The following PRKCI variants were observed in gnomAD, a reference collection of about 807,000 sequenced individuals.
PRKCI encodes protein kinase C iota type.
PRKCI carries 43 observed loss-of-function variants against 84.0 expected under a neutral mutation model. That is an observed-to-expected ratio of 0.51 (90% CI 0.40 to 0.66). The LOEUF is 0.66. PRKCI is among the 30% of genes least tolerant of loss of function. The probability of loss-of-function intolerance (pLI) is 0.00; values close to 1 mark genes in which losing one functional copy is unlikely to be tolerated. For synonymous variants in PRKCI, 216 were observed against 234.4 expected (o/e 0.92, Z 0.72); for missense variants, 459 against 745.6 (o/e 0.62, Z 4.48).
chr3:170,247,406 A>T (rs1379247705), intron 2 of PRKCI, among the ~76,000 whole-genome samples: 2 of 149,590 alleles, frequency 1.3e-5, no homozygotes, highest in African/African-American at 4.9e-5. Flanking sequence ...AGGGAGGGTT[A>T]TGTCTATTCC....
rs6794182 is a variant in PRKCI, at chr3:170,289,830, T to G, written c.1204-2024T>G. Among the ~76,000 whole-genome samples, 642 of 152,206 alleles carry G rather than the reference T, an allele frequency of 4.2e-3. 3 individuals are homozygous for G. Among genetic ancestry groups the G allele is most frequent in the African/African-American group, 0.015 (622 of 41,536 alleles). ...GGGAGGCTGAGGCAGGAGAATCGCTTGAACCTGGGAGGCAGAGGTTGCAGT... is the reference window on the plus strand; with the variant it reads ...GGGAGGCTGAGGCAGGAGAATCGCTGGAACCTGGGAGGCAGAGGTTGCAGT... On this transcript the variant is annotated intron_variant, in intron 12 of 17. Transcript: ENST00000295797.
intron 8 of PRKCI, among the ~76,000 whole-genome samples, chr3:170,277,055 A>G (rs1020415138): frequency 6.6e-6 from 1 of 150,916 alleles, no homozygotes; most frequent in East Asian, 2.0e-4. Context: ...AGCCTGGCTG[A>G]CATAGTGAAA....
chr3:170,284,453 A>T lies in PRKCI; in HGVS notation c.1068-8A>T. 6.5e-7 allele frequency: 1 copy of T among 1,541,532 alleles called. No individual in the cohort carries two copies. Among genetic ancestry groups the T allele is most frequent in the Middle Eastern group, 2.3e-4 (1 of 4,262 alleles). ...GAATCAAATGACTTATTTTTTATTT[A>T]ATTTTAGATTTTACTCTGCAGAAAT... On this transcript the variant is annotated splice_region_variant and splice_polypyrimidine_tract_variant and intron_variant, in intron 11 of 17. Transcript: ENST00000295797.
chr3:170,241,483 ATGT>A (rs1347384106), intron 2 of PRKCI, among the ~76,000 whole-genome samples: 1 of 152,096 alleles, frequency 6.6e-6, no homozygotes, highest in Admixed American at 6.5e-5. Context: ...AGGTTCATCC[ATGT>A]TGTTGAATAT....
At chr3:170,298,870 A>G in intron 16 of PRKCI, 125 bp from the exon 17 acceptor site, 1 of 650,018 alleles carries the variant, frequency 1.5e-6, no homozygotes, top group South Asian at 1.8e-5. Context: ...CATCATTGCT[A>G]ATATCATTGA....
At chr3:170,246,209 G>A (rs1442259244) in intron 2 of PRKCI, among the ~76,000 whole-genome samples, 1 of 151,952 alleles carries the variant, frequency 6.6e-6, no homozygotes, top group Non-Finnish European at 1.5e-5. Context: ...CTGGAGTGCA[G>A]TGGCATGATC....
chr3:170,224,275 T>C (rs1577334756), intron 1 of PRKCI, among the ~76,000 whole-genome samples: 1 of 152,086 alleles, frequency 6.6e-6, no homozygotes, highest in East Asian at 1.9e-4. Flanking sequence ...ATTGGAGTTA[T>C]ATTGGACAGT....
In PRKCI at chr3:170,247,795, T is replaced by G. The variant is rs1299963360; in HGVS notation, c.224-12174T>G. 2.0e-5 allele frequency among the ~76,000 whole-genome samples: 3 copies of G among 149,728 alleles called. No individual in the cohort carries two copies. In the East Asian group the frequency reaches 5.9e-4, roughly 29 times the overall value. ...GAGCGGCTTCATGGGATGGCATGTATTTCTGTAACCACTGACTTCCACCTC... is the reference window on the plus strand; with the variant it reads ...GAGCGGCTTCATGGGATGGCATGTAGTTCTGTAACCACTGACTTCCACCTC... On this transcript the variant is annotated intron_variant, in intron 2 of 17. Transcript: ENST00000295797.
intron 4 of PRKCI, among the ~76,000 whole-genome samples, chr3:170,263,650 A>C (rs549572518): frequency 1.3e-5 from 2 of 152,022 alleles, no homozygotes; most frequent in African/African-American, 4.8e-5. Flanking sequence ...AAAACACACA[A>C]AAAAATTAGC....
intron 2 of PRKCI, among the ~76,000 whole-genome samples, chr3:170,255,055 C>CTTTTT (rs34437904): frequency 7.7e-5 from 3 of 38,856 alleles, no homozygotes; most frequent in Admixed American, 4.5e-4. Flanking sequence ...AGATCTTTCA[C>CTTTTT]TTTTTTTTTT....
At chr3:170,252,451 C>T (rs1443315886) in intron 2 of PRKCI, among the ~76,000 whole-genome samples, 2 of 152,140 alleles carry the variant, frequency 1.3e-5, no homozygotes, top group African/African-American at 4.8e-5. Context: ...ATGGGATATT[C>T]ATCACCTCAA....
chr3:170,280,637 T>A (rs1734220864), intron 9 of PRKCI, among the ~76,000 whole-genome samples: 2 of 151,946 alleles, frequency 1.3e-5, no homozygotes, highest in Admixed American at 1.3e-4. Flanking sequence ...TTAGTAGAGA[T>A]GGGGTTTCAC....
Position 170,303,875 on chromosome 3 carries a change from T to C in PRKCI, c.*748T>C, listed in dbSNP as rs1734886913. ...AGCTGGGCATGGTGGCACATACCTGTAATCCCAGCTACTCGGGAGGCTGAA... is the reference window on the plus strand; with the variant it reads ...AGCTGGGCATGGTGGCACATACCTGCAATCCCAGCTACTCGGGAGGCTGAA... On this transcript the variant is annotated 3_prime_UTR_variant, in exon 18 of 18. Transcript: ENST00000295797. 5.8e-6 allele frequency: 1 copy of C among 172,982 alleles called. No individual in the cohort carries two copies. The highest frequency in any genetic ancestry group is 2.4e-5 in the African/African-American group (1 of 42,092). The allele number at this position is 172,982 out of a possible 1,614,324, so 10.7% of individuals were successfully genotyped here. A position where few individuals can be genotyped will look rare whatever the true frequency, so the allele number is the denominator to read the frequency against.
chr3:170,257,839 G>A (rs954182488), intron 2 of PRKCI, among the ~76,000 whole-genome samples: 2 of 151,588 alleles, frequency 1.3e-5, no homozygotes, highest in African/African-American at 2.4e-5. Flanking sequence ...TAATTTTTGT[G>A]TTTTCGTAGA....
intron 2 of PRKCI, among the ~76,000 whole-genome samples, chr3:170,253,139 G>A (rs1223428659): frequency 1.3e-5 from 2 of 152,252 alleles, no homozygotes; most frequent in African/African-American, 4.8e-5. Flanking sequence ...GAATAGTGCT[G>A]CAATAAATAT....
At chr3:170,280,180 A>C (rs1279334482) in intron 8 of PRKCI, 47 bp from the exon 9 acceptor site, 1 of 1,520,396 alleles carries the variant, frequency 6.6e-7, no homozygotes, top group East Asian at 2.3e-5. Flanking sequence ...ATAATGTACT[A>C]CGCAAAGCAT....
At chr3:170,239,479 G>A (rs1415344232) in intron 2 of PRKCI, among the ~76,000 whole-genome samples, 1 of 152,086 alleles carries the variant, frequency 6.6e-6, no homozygotes, top group Non-Finnish European at 1.5e-5. Context: ...TTGTTTTTCA[G>A]TCAATGATTT....
chr3:170,251,905 C>CAA (rs748277484), intron 2 of PRKCI, among the ~76,000 whole-genome samples: 2 of 125,594 alleles, frequency 1.6e-5, no homozygotes, highest in East Asian at 2.3e-4. Context: ...AAGACTGTCT[C>CAA]AAAAAAAAAA....
intron 2 of PRKCI, among the ~76,000 whole-genome samples, chr3:170,243,356 C>G (rs1733182658): frequency 6.6e-6 from 1 of 152,090 alleles, no homozygotes; most frequent in Non-Finnish European, 1.5e-5. Flanking sequence ...TAGTTCATTC[C>G]TTCTTATTGC....
Sources: gnomAD v4.1 joint callset for allele counts (sites outside exome capture counted in the v4.1 genomes callset) on GRCh38, gnomAD v4.1.1 for gene constraint, MANE v1.5 for transcripts, NCBI Gene and HGNC (gene_info 2026-07-23, HGNC 2026-07-21) for gene names.